Variants in ANP32E observed in about 807,000 individuals in gnomAD.
ANP32E encodes the protein acidic nuclear phosphoprotein 32 family member E, also known as acidic leucine-rich nuclear phosphoprotein 32 family member E.
A neutral mutation model predicts 35.3 loss-of-function variants in ANP32E; 14 were observed. The observed-to-expected ratio is 0.40, with a 90% CI of 0.26 to 0.62. The LOEUF (loss-of-function observed/expected upper bound fraction) is 0.62. Ranked by LOEUF, ANP32E falls within the 20% of genes least tolerant of loss-of-function variation. The pLI, the probability that ANP32E is intolerant of heterozygous loss-of-function variation, is 0.45. For synonymous variants in ANP32E, 89 were observed against 110.4 expected (o/e 0.81, Z 1.22); for missense variants, 198 against 304.4 (o/e 0.65, Z 2.60).
chr1:150,226,124 T>C (rs1021565056), intron 5 of ANP32E, among the ~76,000 whole-genome samples: 1 of 151,398 alleles, frequency 6.6e-6, no homozygotes, highest in African/African-American at 2.4e-5. Flanking sequence ...TCAGCCTCAG[T>C]CTCACGATTA....
chr1:150,231,699 G>A, intron 2 of ANP32E, 78 bp downstream of exon 2: 1 of 1,276,814 alleles, frequency 7.8e-7, no homozygotes, highest in East Asian at 3.4e-5. Context: ...CAAGCAGAAT[G>A]GTCATTCCAT....
At chr1:150,226,193 C>T (rs1252496123) in intron 5 of ANP32E, among the ~76,000 whole-genome samples, 1 of 151,928 alleles carries the variant, frequency 6.6e-6, no homozygotes, top group Non-Finnish European at 1.5e-5. Flanking sequence ...TTAGTAGATA[C>T]GGGGTTTCCC....
chr1:150,228,927 T>C, intron 4 of ANP32E, 145 bp downstream of exon 4: 2 of 650,368 alleles, frequency 3.1e-6, no homozygotes, highest in Non-Finnish European at 5.2e-6. Flanking sequence ...TGGCTAGAGC[T>C]ATGGGTTTTT....
chr1:150,220,510 TATG>T lies in ANP32E; in HGVS notation c.*178_*180del. 1 of 580,610 alleles carries T rather than the reference TATG, an allele frequency of 1.7e-6. No homozygotes were observed. The highest frequency in any genetic ancestry group is 2.9e-5 in the East Asian group (1 of 34,472). 36.0% of individuals were successfully genotyped at this position (580,610 alleles called of 1,614,324 possible). On this transcript the variant is annotated 3_prime_UTR_variant, in exon 7 of 7. Transcript: ENST00000583931. Reference sequence around the variant, plus strand: ...AATGAAAATTTTTCTCTACATACAATATGATCATTAACAGACTAGTTCTTATTT... The same window carrying T: ...AATGAAAATTTTTCTCTACATACAATATCATTAACAGACTAGTTCTTATTT...
Position 150,220,483 on chromosome 1 carries a change from T to A in ANP32E, c.*208A>T. The A allele has an allele frequency of 2.1e-6, 1 of 486,228 alleles. No homozygotes were observed. 30.1% of individuals were successfully genotyped at this position (486,228 alleles called of 1,614,324 possible). A position where few individuals can be genotyped will look rare whatever the true frequency, so the allele number is the denominator to read the frequency against. ...TTGCTAGGGAATTCCACAATGGGAG[T>A]CAATGAAAATTTTTCTCTACATACA... is the stretch of plus-strand genomic sequence containing the variant. On this transcript the variant is annotated 3_prime_UTR_variant, in exon 7 of 7. Coordinates refer to ENST00000583931, the MANE Select transcript of ANP32E (RefSeq NM_030920.5).
rs782028923 is a variant in ANP32E, at chr1:150,229,175, A to G, written c.390T>C (p.Asp130=). ...GTAGTTCAAAAATACTTTCTCTATA[A>G]TCTTCCAGGTTTGTGATCTCACAGT... ...LFNCEITNLE[D]YRESIFELLQ... The change falls in exon 4 of 7, where the codon GAT becomes GAC. Residue 130 remains aspartate, a synonymous_variant. Transcript: ENST00000583931. 2 of 1,612,624 alleles carry G rather than the reference A, an allele frequency of 1.2e-6. No homozygotes were observed. The highest frequency in any genetic ancestry group is 1.7e-6 in the Non-Finnish European group (2 of 1,179,028).
chr1:150,221,604 G>GGGAAGGAAGGAAGGAAGGAAGGAA (rs1330142808), intron 6 of ANP32E, among the ~76,000 whole-genome samples: 12,278 of 36,790 alleles, frequency 0.33, 3,051 homozygotes, highest in Non-Finnish European at 0.38. Flanking sequence ...GAGGGAGGGA[G>GGGAAGGAAGGAAGGAAGGAAGGAA]GGAAGGAAGG....
rs587663527 is a variant in ANP32E, at chr1:150,235,934, G to A, written c.-148C>T. 8.1e-5 allele frequency: 51 copies of A among 627,140 alleles called. No homozygotes were observed. The African/African-American group carries it at 9.2e-4, about 11-fold the overall frequency. 38.8% of individuals were successfully genotyped at this position (627,140 alleles called of 1,614,324 possible). ...ACTACCACCACCAGATAGGTGTGGGGGAGAAAGAAGAGAATAGCAAATGGA... is the reference window on the plus strand; with the variant it reads ...ACTACCACCACCAGATAGGTGTGGGAGAGAAAGAAGAGAATAGCAAATGGA... On this transcript the variant is annotated 5_prime_UTR_variant, in exon 1 of 7. Transcript: ENST00000583931. This position sits in a 1 kb window ranked among gnomAD's most constrained non-coding sequence, Gnocchi z 4.2.
intron 5 of ANP32E, among the ~76,000 whole-genome samples, chr1:150,223,829 T>G (rs1648648086): frequency 6.7e-6 from 1 of 149,432 alleles, no homozygotes; most frequent in Admixed American, 6.7e-5. Context: ...CACCGCAAAC[T>G]CCGCCTCCCG....
intron 6 of ANP32E, 64 bp downstream of exon 6, chr1:150,223,122 A>C: frequency 1.4e-6 from 2 of 1,436,576 alleles, no homozygotes; most frequent in South Asian, 2.6e-5. Context: ...AATACAAATA[A>C]ATAAAGTATA....
chr1:150,228,873 C>T (rs587697055), intron 4 of ANP32E, among the ~76,000 whole-genome samples, 199 bp downstream of exon 4: 1 of 152,186 alleles, frequency 6.6e-6, no homozygotes, highest in South Asian at 2.1e-4. Flanking sequence ...TTATAATAGT[C>T]ATTAAATTCC....
Position 150,219,753 on chromosome 1 carries a change from T to A in ANP32E, c.*938A>T, listed in dbSNP as rs587599062. ...AAACTGTATTGATAATATATTCTTA[T>A]GTCAGAAAATACTCAATTTCTTCTA... On this transcript the variant is annotated 3_prime_UTR_variant, in exon 7 of 7. Transcript: ENST00000583931. The A allele has an allele frequency of 9.9e-5, 15 of 152,204 alleles. No individual in the cohort carries two copies. The highest frequency in any genetic ancestry group is 3.4e-4 in the African/African-American group (14 of 41,446). The allele number at this position is 152,204 out of a possible 1,614,324, so 9.4% of individuals were successfully genotyped here. A position where few individuals can be genotyped will look rare whatever the true frequency, so the allele number is the denominator to read the frequency against.
intron 6 of ANP32E, among the ~76,000 whole-genome samples, chr1:150,222,509 A>G (rs1258488267): frequency 4.1e-5 from 6 of 144,954 alleles, no homozygotes; most frequent in African/African-American, 1.5e-4. Context: ...CAATCCCAGC[A>G]CTTTGGGAGG....
At chr1:150,226,459 A>C in intron 5 of ANP32E, 149 bp downstream of exon 5, 1 of 820,666 alleles carries the variant, frequency 1.2e-6, no homozygotes, top group South Asian at 2.0e-5. Context: ...TTTGGGGTGG[A>C]GGACAATGAA....
Position 150,235,751 on chromosome 1 carries a change from C to G in ANP32E, c.36G>C (p.Arg12Ser). 1 of 1,612,154 alleles carries G rather than the reference C, an allele frequency of 6.2e-7. No individual in the cohort carries two copies. Among genetic ancestry groups the G allele is most frequent in the South Asian group, 1.1e-5 (1 of 90,694 alleles). The part of the protein sequence containing the change: ...EMKKKINLEL[R>S]NRSPEEVTEL... ...ATCTCACCTCCTCCGGGGATCTGTT[C>G]CTTAACTCCAGGTTAATCTTCTTCT... The change falls in exon 1 of 7, where the codon AGG (arginine) becomes AGC (serine). Residue 12 changes from arginine to serine, a missense_variant. Arg to Ser is a moderately radical substitution (Grantham distance 110). This residue lies in a region of ANP32E where 35 missense variants were observed against 47.6 expected (regional missense o/e 0.74). Transcript: ENST00000583931. This position sits in a 1 kb window ranked among gnomAD's most constrained non-coding sequence, Gnocchi z 4.2.
intron 3 of ANP32E, 99 bp downstream of exon 3, chr1:150,230,472 C>G (rs1304568550): frequency 1.6e-6 from 2 of 1,235,082 alleles, no homozygotes; most frequent in African/African-American, 3.1e-5. Context: ...ACAAAAAATT[C>G]TTAAGTTTTA....
intron 5 of ANP32E, among the ~76,000 whole-genome samples, chr1:150,225,691 A>AAG (rs1648815630): frequency 6.7e-6 from 1 of 149,358 alleles, no homozygotes; most frequent in Non-Finnish European, 1.5e-5. Flanking sequence ...AAAAAAAAAA[A>AAG]GCAGAAGGAA....
intron 6 of ANP32E, among the ~76,000 whole-genome samples, chr1:150,221,533 AAGGG>A (rs1293280396): frequency 0.086 from 2,891 of 33,480 alleles, 330 homozygotes; most frequent in African/African-American, 0.17. Flanking sequence ...GAGTGGGAGG[AAGGG>A]AGGGAGGGAG....
rs1648192336 is a variant in ANP32E, at chr1:150,219,827, A to G, written c.*864T>C. 1 of 152,208 alleles carries G rather than the reference A, an allele frequency of 6.6e-6. No homozygotes were observed. Among genetic ancestry groups the G allele is most frequent in the East Asian group, 1.9e-4 (1 of 5,200 alleles). The allele number at this position is 152,208 out of a possible 1,614,324, so 9.4% of individuals were successfully genotyped here. ...AGGACTGAAAGGTAGTTGAGGTATA[A>G]GACTAAAGGTTTTCCTGGGTTTCAC... On this transcript the variant is annotated 3_prime_UTR_variant, in exon 7 of 7. Transcript: ENST00000583931.
Sources: gnomAD v4.1 joint callset for allele counts (sites outside exome capture counted in the v4.1 genomes callset) on GRCh38, gnomAD v4.1.1 for gene constraint, gnomAD v4.1.1 regional missense constraint, Gnocchi (gnomAD v3.1) non-coding constraint, MANE v1.5 for transcripts, NCBI Gene and HGNC (gene_info 2026-07-23, HGNC 2026-07-21) for gene names.